The following ARHGAP26 variants were observed in gnomAD, a reference collection of about 807,000 sequenced individuals.
ARHGAP26 encodes rho GTPase-activating protein 26.
A neutral mutation model predicts 104.8 loss-of-function variants in ARHGAP26; 38 were observed. The ratio of observed to expected loss-of-function variants is 0.36; its 90% CI spans 0.28 to 0.48. The LOEUF is 0.48. Ranked by LOEUF, ARHGAP26 falls within the 20% of genes least tolerant of loss-of-function variation. ARHGAP26 has a pLI of 0.99. For synonymous variants in ARHGAP26, 341 were observed against 340.0 expected (o/e 1.00, Z -0.03); for missense variants, 704 against 947.9 (o/e 0.74, Z 3.38).
chr5:142,920,785 T>C (rs1410797670), intron 10 of ARHGAP26, among the ~76,000 whole-genome samples: 2 of 152,176 alleles, frequency 1.3e-5, no homozygotes, highest in Non-Finnish European at 2.9e-5. Context: ...GGAATGCTCA[T>C]ATATACTCAA....
At chr5:142,870,065 T>G (rs1755048821) in intron 1 of ARHGAP26, among the ~76,000 whole-genome samples, 1 of 152,226 alleles carries the variant, frequency 6.6e-6, no homozygotes, top group South Asian at 2.1e-4. Flanking sequence ...TAGCAACAGA[T>G]GTTTCTGCAA....
intron 17 of ARHGAP26, among the ~76,000 whole-genome samples, chr5:143,096,309 C>G (rs914165448): frequency 6.6e-6 from 1 of 152,202 alleles, no homozygotes; most frequent in Non-Finnish European, 1.5e-5. Flanking sequence ...TTGTCATGCT[C>G]GTGGTGCAGA....
intron 1 of ARHGAP26, among the ~76,000 whole-genome samples, chr5:142,796,563 C>G (rs1561855758): frequency 6.6e-6 from 1 of 152,238 alleles, no homozygotes; most frequent in Non-Finnish European, 1.5e-5. Context: ...GAGGCACCTT[C>G]TGCTTTCACT....
intron 1 of ARHGAP26, among the ~76,000 whole-genome samples, chr5:142,813,188 G>A (rs943756024): frequency 2.6e-5 from 4 of 152,088 alleles, no homozygotes; most frequent in African/African-American, 4.8e-5. Flanking sequence ...TGATCCACCC[G>A]CCTTGGCCTC....
chr5:142,879,029 T>C (rs963624818), intron 3 of ARHGAP26, among the ~76,000 whole-genome samples: 5 of 152,232 alleles, frequency 3.3e-5, no homozygotes, highest in African/African-American at 1.2e-4. Flanking sequence ...GGTAAATGAA[T>C]ATTTGCAAGA....
intron 17 of ARHGAP26, among the ~76,000 whole-genome samples, chr5:143,095,477 A>G (rs1360892694): frequency 6.6e-6 from 1 of 152,240 alleles, no homozygotes; most frequent in Non-Finnish European, 1.5e-5. Flanking sequence ...GTTTTACAGT[A>G]TTGGAAATTA....
Position 142,949,164 on chromosome 5 carries a change from CCAGAGA to C in ARHGAP26, c.1107+17040_1107+17045del, listed in dbSNP as rs1262269573. Among the ~76,000 whole-genome samples the C allele has an allele frequency of 7.6e-3, 308 of 40,558 alleles. 45 individuals are homozygous for C. The highest frequency in any genetic ancestry group is 0.018 in the African/African-American group (177 of 9,694). 26.6% of individuals were successfully genotyped at this position (40,558 alleles called of 152,430 possible). ...CTGCTGAAGTTTTATAGTTGAATTT[CCAGAGA>C]GAGAGAGAGAGAGAGAGAGAGAGAG... On this transcript the variant is annotated intron_variant, in intron 11 of 22. Coordinates refer to ENST00000645722, the MANE Select transcript of ARHGAP26 (RefSeq NM_001135608.3).
intron 17 of ARHGAP26, among the ~76,000 whole-genome samples, chr5:143,105,040 C>G (rs2398613): frequency 6.6e-6 from 1 of 152,050 alleles, no homozygotes; most frequent in African/African-American, 2.4e-5. Flanking sequence ...TTCCCCCTAA[C>G]GATAGCACTG....
At chr5:143,219,253 A>G (rs917313016) in intron 22 of ARHGAP26, among the ~76,000 whole-genome samples, 4 of 152,242 alleles carry the variant, frequency 2.6e-5, no homozygotes, top group African/African-American at 9.6e-5. Context: ...TGCAAAATAC[A>G]GATAATAATA....
intron 19 of ARHGAP26, among the ~76,000 whole-genome samples, chr5:143,135,782 G>A (rs1476992642): frequency 2.0e-5 from 3 of 152,120 alleles, no homozygotes; most frequent in African/African-American, 4.8e-5. Flanking sequence ...TAATTTCTAG[G>A]TCAACAGATA....
chr5:143,167,126 T>C (rs1334321264), intron 20 of ARHGAP26, among the ~76,000 whole-genome samples: 1 of 152,062 alleles, frequency 6.6e-6, no homozygotes, highest in Non-Finnish European at 1.5e-5. Flanking sequence ...GCATTTGATA[T>C]ATTCTGTCTT....
chr5:142,896,167 G>T (rs1759452609), intron 6 of ARHGAP26, among the ~76,000 whole-genome samples: 1 of 152,190 alleles, frequency 6.6e-6, no homozygotes, highest in African/African-American at 2.4e-5. Flanking sequence ...GCTTCCTGTG[G>T]TCAGGGCAGG....
At chr5:142,967,308 TG>T (rs1771532932) in intron 11 of ARHGAP26, among the ~76,000 whole-genome samples, 1 of 152,194 alleles carries the variant, frequency 6.6e-6, no homozygotes, top group East Asian at 1.9e-4. Flanking sequence ...AGCCATTCAG[TG>T]TCAAGCGGTT....
At chr5:142,892,351 C>T (rs1758781719) in intron 5 of ARHGAP26, among the ~76,000 whole-genome samples, 1 of 151,890 alleles carries the variant, frequency 6.6e-6, no homozygotes, top group Non-Finnish European at 1.5e-5. Context: ...GCCTTGGGGG[C>T]AGATCCACCA....
At chr5:142,933,550 G>A (rs1422578516) in intron 11 of ARHGAP26, among the ~76,000 whole-genome samples, 1 of 152,178 alleles carries the variant, frequency 6.6e-6, no homozygotes, top group African/African-American at 2.4e-5. Flanking sequence ...AGGAGTCCAT[G>A]CCTAGTAGGG....
At chr5:142,947,194 A>G (rs1434451072) in intron 11 of ARHGAP26, 1 of 150,816 alleles carries the variant, frequency 6.6e-6, no homozygotes, top group Admixed American at 6.6e-5. Context: ...TCCTCTTGCA[A>G]TTAACCATTG....
chr5:142,966,337 T>C (rs1321498355), intron 11 of ARHGAP26, among the ~76,000 whole-genome samples: 1 of 151,998 alleles, frequency 6.6e-6, no homozygotes, highest in Non-Finnish European at 1.5e-5. Flanking sequence ...CTTTGTATTA[T>C]TTTTTTTAAT....
chr5:143,020,280 G>GAT (rs1780134441), intron 12 of ARHGAP26, among the ~76,000 whole-genome samples: 1 of 152,172 alleles, frequency 6.6e-6, no homozygotes, highest in African/African-American at 2.4e-5. Flanking sequence ...GTGGCACTGA[G>GAT]ATATATGAGT....
rs774726416 is a variant in ARHGAP26 at position 142,873,417 on chromosome 5, C to T, written c.172C>T (p.Arg58Trp). 12 of 1,591,778 alleles carry T rather than the reference C, an allele frequency of 7.5e-6. No homozygotes were observed. The highest frequency in any genetic ancestry group is 1.2e-5 in the South Asian group (1 of 85,952). Residue 58 changes from arginine to tryptophan, a missense_variant, in exon 2 of 23, where the codon CGG becomes TGG. By Grantham distance (101) the Arg-to-Trp change is moderately radical. Transcript: ENST00000645722. ...SALKNLSSAK[R>W]KFADSLNEFK... Reference sequence around the variant, plus strand: ...CTTGCTAGATTTGTCTTCAGCGAAGCGGAAGTTTGCAGATTCCTTAAATGA... The same window carrying T: ...CTTGCTAGATTTGTCTTCAGCGAAGTGGAAGTTTGCAGATTCCTTAAATGA...
Sources: allele counts gnomAD v4.1 joint callset (sites outside exome capture counted in the v4.1 genomes callset), GRCh38; gene constraint gnomAD v4.1.1; transcripts MANE v1.5; gene names NCBI Gene and HGNC (gene_info 2026-07-23, HGNC 2026-07-21).